The following EXT1 variants were observed in gnomAD, a reference collection of about 807,000 sequenced individuals.
EXT1 encodes the protein exostosin-1.
Under a neutral mutation model 82.5 loss-of-function variants are expected in EXT1, and 20 were observed. The observed-to-expected ratio is 0.24, with a 90% CI of 0.17 to 0.35. The LOEUF (loss-of-function observed/expected upper bound fraction) is 0.35, where lower values mean the gene tolerates loss of function less well. EXT1 is among the 10% of genes least tolerant of loss of function. EXT1 has a pLI of 1.00. For missense variants in EXT1, 757 were observed against 936.5 expected (o/e 0.81, Z 2.50); for synonymous variants, 348 against 350.8 (o/e 0.99, Z 0.09).
At chr8:117,845,637 C>T (rs954844548) in intron 1 of EXT1, among the ~76,000 whole-genome samples, 4 of 151,820 alleles carry the variant, frequency 2.6e-5, no homozygotes, top group Admixed American at 6.6e-5. Flanking sequence ...TTTATAGAGA[C>T]GAGTCTTGCT....
intron 1 of EXT1, among the ~76,000 whole-genome samples, chr8:117,843,816 T>C (rs1812309903): frequency 6.6e-6 from 1 of 152,186 alleles, no homozygotes; most frequent in African/African-American, 2.4e-5. Context: ...CCAACCAGCC[T>C]GTGTTCCAAC....
At chr8:117,847,101 C>T (rs141068484) in intron 1 of EXT1, among the ~76,000 whole-genome samples, 72 of 152,278 alleles carry the variant, frequency 4.7e-4, no homozygotes, top group African/African-American at 1.6e-3. Flanking sequence ...GGCCGGCCTA[C>T]TGTAACTACT....
At position 118,061,503 on chromosome 8, in the gene EXT1, T is replaced by G. The variant is rs112660669; in HGVS notation, c.962+48582A>C. ...TAGAATCACGGGATGGCTCGTTACA[T>G]TCCTAAAACCATTTCATAACCCATT... On this transcript the variant is annotated intron_variant, in intron 1 of 10. Coordinates refer to ENST00000378204, the MANE Select transcript of EXT1 (RefSeq NM_000127.3). Among the ~76,000 whole-genome samples, 57 of 152,346 alleles carry G rather than the reference T, an allele frequency of 3.7e-4. 1 individual carries two copies. Among genetic ancestry groups the G allele is most frequent in the South Asian group, 2.3e-3 (11 of 4,832 alleles).
chr8:117,939,045 T>C (rs1215014850), intron 1 of EXT1, among the ~76,000 whole-genome samples: 2 of 150,096 alleles, frequency 1.3e-5, no homozygotes, highest in East Asian at 2.0e-4. Context: ...TTTCAAGCTG[T>C]TTTTTTTTCC....
chr8:118,022,973 T>C (rs1034248127), intron 1 of EXT1, among the ~76,000 whole-genome samples: 2 of 152,154 alleles, frequency 1.3e-5, no homozygotes, highest in African/African-American at 2.4e-5. Context: ...TAATGAAGGG[T>C]AGGAAAATAG....
chr8:117,968,007 T>C (rs12544831), intron 1 of EXT1, among the ~76,000 whole-genome samples: 13,359 of 152,322 alleles, frequency 0.088, 726 homozygotes, highest in Admixed American at 0.13. Flanking sequence ...TGCAAGATGA[T>C]AGACATGTTA....
At chr8:118,072,964 G>A (rs1294660117) in intron 1 of EXT1, among the ~76,000 whole-genome samples, 1 of 152,274 alleles carries the variant, frequency 6.6e-6, no homozygotes, top group East Asian at 1.9e-4. Flanking sequence ...CAAGACACGA[G>A]GAGCACGATT....
chr8:118,054,332 T>C (rs1351238969), intron 1 of EXT1, among the ~76,000 whole-genome samples: 1 of 152,154 alleles, frequency 6.6e-6, no homozygotes, highest in East Asian at 1.9e-4. Flanking sequence ...ATTTATGTAG[T>C]CCCATTTCTG....
chr8:117,810,912 T>A (rs1823308189), intron 8 of EXT1, among the ~76,000 whole-genome samples: 1 of 152,042 alleles, frequency 6.6e-6, no homozygotes, highest in Non-Finnish European at 1.5e-5. Context: ...GCCATTAGAG[T>A]TCTGGCAGTA....
chr8:117,801,550 G>T (rs182901450), intron 10 of EXT1, among the ~76,000 whole-genome samples: 27 of 151,968 alleles, frequency 1.8e-4, no homozygotes, highest in African/African-American at 6.5e-4. Context: ...CTGTCACGCA[G>T]GCTGGAGTGC....
chr8:118,096,491 C>T (rs918700768), intron 1 of EXT1, among the ~76,000 whole-genome samples: 6 of 151,992 alleles, frequency 3.9e-5, no homozygotes, highest in African/African-American at 1.5e-4. Context: ...TGTGGTGGTA[C>T]TCAGGAGGCT....
chr8:117,831,420 C>T (rs1183936626), intron 3 of EXT1, among the ~76,000 whole-genome samples: 7 of 152,198 alleles, frequency 4.6e-5, no homozygotes, highest in Non-Finnish European at 4.4e-5. Flanking sequence ...GGATCAATTG[C>T]TTAATGTTTG....
At chr8:118,075,519 A>G (rs1393084189) in intron 1 of EXT1, among the ~76,000 whole-genome samples, 1 of 152,238 alleles carries the variant, frequency 6.6e-6, no homozygotes, top group African/African-American at 2.4e-5. Flanking sequence ...TTTGGAAGAA[A>G]GAGTTATTAT....
intron 1 of EXT1, among the ~76,000 whole-genome samples, chr8:118,066,615 C>G (rs917387826): frequency 6.6e-6 from 1 of 152,164 alleles, no homozygotes; most frequent in Non-Finnish European, 1.5e-5. Flanking sequence ...CCCGCCTCAG[C>G]CTCGTAAATT....
intron 2 of EXT1, among the ~76,000 whole-genome samples, chr8:117,836,860 GC>G (rs1379385312): frequency 6.6e-6 from 1 of 152,150 alleles, no homozygotes; most frequent in Non-Finnish European, 1.5e-5. Flanking sequence ...AATTAGATTT[GC>G]CTTCTGTTTC....
chr8:118,074,767 T>C (rs1563648202), intron 1 of EXT1, among the ~76,000 whole-genome samples: 2 of 152,172 alleles, frequency 1.3e-5, no homozygotes, highest in African/African-American at 4.8e-5. Context: ...TAAATATTCA[T>C]GACAGCAGCT....
chr8:117,983,603 G>A (rs938636733), intron 1 of EXT1, among the ~76,000 whole-genome samples: 9 of 152,066 alleles, frequency 5.9e-5, no homozygotes, highest in African/African-American at 1.9e-4. Context: ...ACCCTCCCTG[G>A]CCTTCAACAA....
At chr8:117,913,811 A>G (rs1051478276) in intron 1 of EXT1, among the ~76,000 whole-genome samples, 4 of 152,250 alleles carry the variant, frequency 2.6e-5, no homozygotes, top group Non-Finnish European at 5.9e-5. Context: ...CTTGCTTTTA[A>G]TAACAACATT....
chr8:117,815,098 C>T (rs1811781113), intron 7 of EXT1, among the ~76,000 whole-genome samples: 1 of 152,194 alleles, frequency 6.6e-6, no homozygotes, highest in Non-Finnish European at 1.5e-5. Context: ...ACCTCATAGA[C>T]ACAGTGCTCA....
Sources: allele counts gnomAD v4.1 joint callset (sites outside exome capture counted in the v4.1 genomes callset), GRCh38; gene constraint gnomAD v4.1.1; transcripts MANE v1.5; gene names NCBI Gene and HGNC (gene_info 2026-07-23, HGNC 2026-07-21).